Variants in PCDHB15 observed in about 807,000 individuals in gnomAD.
PCDHB15 encodes the protein protocadherin beta 15.
For synonymous variants in PCDHB15, 492 were observed against 447.9 expected (o/e 1.10, Z -1.24); for missense variants, 1,032 against 991.7 (o/e 1.04, Z -0.55).
chr5:141,246,449 C>G lies in PCDHB15; in HGVS notation c.871C>G (p.Pro291Ala), dbSNP rs781827446. ...TTACAGCTCTCAGGAGATAGACAAA[C>G]CTTTTGAGCTAAGCAGCCTTTCAGG... The part of the protein sequence containing the change: ...LYYSSQEIDK[P>A]FELSSLSGEI... The change falls in exon 1 of 1, where the codon CCT (proline) becomes GCT (alanine). Residue 291 changes from proline (P) to alanine (A), a missense_variant. By Grantham distance (27) the Pro-to-Ala change is conservative (BLOSUM62 -1). Coordinates refer to ENST00000231173, the MANE Select transcript of PCDHB15 (RefSeq NM_018935.4). 9 of 1,614,034 alleles carry G rather than the reference C, an allele frequency of 5.6e-6. No individual in the cohort carries two copies. Among genetic ancestry groups the G allele is most frequent in the Non-Finnish European group, 7.6e-6 (9 of 1,180,032 alleles).
chr5:141,245,491 C>T lies in PCDHB15; in HGVS notation c.-88C>T, dbSNP rs1554291726. 2.6e-6 allele frequency: 3 copies of T among 1,139,750 alleles called. No individual in the cohort carries two copies. The highest frequency in any genetic ancestry group is 3.8e-6 in the Non-Finnish European group (3 of 788,310). 70.6% of individuals were successfully genotyped at this position (1,139,750 alleles called of 1,614,324 possible). On this transcript the variant is annotated 5_prime_UTR_variant, in exon 1 of 1. The change creates a new upstream start codon in the 5' untranslated region. Transcript: ENST00000231173. The stretch of plus-strand genomic sequence containing the variant: ...CCTACATTTCCGAACAGGTTATCAA[C>T]GCACAGATCGATCACTGCCTCTGTC...
chr5:141,246,260 A>G lies in PCDHB15; in HGVS notation c.682A>G (p.Ile228Val), dbSNP rs1554291878. The part of the protein sequence containing the change: ...GSPPRSGTVQ[I>V]LILVLDANDN... ...TCCACCCCGATCTGGCACCGTCCAGATCCTCATCTTGGTCTTGGACGCCAA... is the reference window on the plus strand; with the variant it reads ...TCCACCCCGATCTGGCACCGTCCAGGTCCTCATCTTGGTCTTGGACGCCAA... The change falls in exon 1 of 1, where the codon ATC (isoleucine) becomes GTC (valine). Residue 228 changes from isoleucine (I) to valine (V), a missense_variant. Coordinates refer to ENST00000231173, the MANE Select transcript of PCDHB15 (RefSeq NM_018935.4). 6.2e-7 allele frequency: 1 copy of G among 1,614,066 alleles called. No homozygotes were observed. Among genetic ancestry groups the G allele is most frequent in the East Asian group, 2.2e-5 (1 of 44,860 alleles).
In PCDHB15 at chr5:141,247,349, G is replaced by A; in HGVS notation, c.1771G>A (p.Ala591Thr). 1.9e-6 allele frequency: 3 copies of A among 1,606,016 alleles called. No homozygotes were observed. Among genetic ancestry groups the A allele is most frequent in the Non-Finnish European group, 2.5e-6 (3 of 1,178,422 alleles). The change falls in exon 1 of 1, where the codon GCG becomes ACG. Residue 591 changes from alanine (A) to threonine (T), a missense_variant. Physicochemically the swap from Ala to Thr is moderately conservative, Grantham distance 58 (BLOSUM62 0). Coordinates refer to ENST00000231173, the MANE Select transcript of PCDHB15 (RefSeq NM_018935.4). ...EPGYLVTKVVAVDGDSGQNAW... is the reference protein window; with the variant it reads ...EPGYLVTKVVTVDGDSGQNAW... ...GGGCTACCTGGTGACCAAGGTGGTGGCGGTGGACGGCGACTCGGGCCAGAA... is the reference window on the plus strand; with the variant it reads ...GGGCTACCTGGTGACCAAGGTGGTGACGGTGGACGGCGACTCGGGCCAGAA...
At position 141,246,227 on chromosome 5, in the gene PCDHB15, G is replaced by C. The variant is rs782777353; in HGVS notation, c.649G>C (p.Gly217Arg). ...CAGATTAACCTTGACAGCGGTGGACGGTGGCTCTCCACCCCGATCTGGCAC... is the reference window on the plus strand; with the variant it reads ...CAGATTAACCTTGACAGCGGTGGACCGTGGCTCTCCACCCCGATCTGGCAC... ...ELRLTLTAVD[G>R]GSPPRSGTVQ... The change falls in exon 1 of 1, where the codon GGT becomes CGT. Residue 217 changes from glycine (G) to arginine (R), a missense_variant. Transcript: ENST00000231173. 5 of 1,614,054 alleles carry C rather than the reference G, an allele frequency of 3.1e-6. No individual in the cohort carries two copies. In the South Asian group the frequency reaches 5.5e-5, roughly 18 times the overall value.
At position 141,247,674 on chromosome 5, in the gene PCDHB15, C is replaced by G; in HGVS notation, c.2096C>G (p.Ser699Trp). Residue 699 changes from serine to tryptophan, a missense_variant, in exon 1 of 1, where the codon TCG becomes TGG. By Grantham distance (177) the Ser-to-Trp change is radical (BLOSUM62 -3). Transcript: ENST00000231173. ...GTGGTGGCATTGGCCTCGGTGTCTT[C>G]GCTCTTCCTCTTCTCGGTGTTCCTG... is the stretch of plus-strand genomic sequence containing the variant. ...YLVVALASVS[S>W]LFLFSVFLFV... is the part of the protein sequence containing the mutation. 6.2e-7 allele frequency: 1 copy of G among 1,610,470 alleles called. No individual in the cohort carries two copies. The highest frequency in any genetic ancestry group is 8.5e-7 in the Non-Finnish European group (1 of 1,179,884).
chr5:141,247,142 G>T lies in PCDHB15; in HGVS notation c.1564G>T (p.Glu522Ter). 6.2e-7 allele frequency: 1 copy of T among 1,613,870 alleles called. No homozygotes were observed. Residue 522 changes from glutamate to a stop codon, truncating the protein, a stop_gained, in exon 1 of 1, where the codon GAG becomes TAG. Coordinates refer to ENST00000231173, the MANE Select transcript of PCDHB15 (RefSeq NM_018935.4). LOFTEE classifies it low-confidence loss of function (END_TRUNC). Reference sequence around the variant, plus strand: ...GTTCGCTCTCCAGTCGCTGGACTACGAGGCCCTGCAGGCTTTCGAGTTCCG... The same window carrying T: ...GTTCGCTCTCCAGTCGCTGGACTACTAGGCCCTGCAGGCTTTCGAGTTCCG... ...HLFALQSLDY[E>*]ALQAFEFRVG... is the part of the protein sequence containing the mutation.
In PCDHB15 at chr5:141,246,006, C is replaced by A; in HGVS notation, c.428C>A (p.Pro143Gln). 1 of 1,614,132 alleles carries A rather than the reference C, an allele frequency of 6.2e-7. No homozygotes were observed. The highest frequency in any genetic ancestry group is 1.1e-5 in the South Asian group (1 of 91,088). ...FPEREMTLKI[P>Q]ETSSLGTVFP... is the part of the protein sequence containing the mutation. ...GAAAGAGAAATGACCCTGAAAATCC[C>A]AGAAACTAGCTCCCTTGGGACTGTG... The change falls in exon 1 of 1, where the codon CCA (proline) becomes CAA (glutamine). Residue 143 changes from proline to glutamine, a missense_variant. By Grantham distance (76) the Pro-to-Gln change is moderately conservative (BLOSUM62 -1). Coordinates refer to ENST00000231173, the MANE Select transcript of PCDHB15 (RefSeq NM_018935.4).
Position 141,248,795 on chromosome 5 carries a change from T to G in PCDHB15, c.*853T>G, listed in dbSNP as rs1329094773. Reference sequence around the variant, plus strand: ...TCTGATGGTACAGTATGCCAACATCTACTTGTTTTGGATGGCAACATTGTT... The same window carrying G: ...TCTGATGGTACAGTATGCCAACATCGACTTGTTTTGGATGGCAACATTGTT... On this transcript the variant is annotated 3_prime_UTR_variant, in exon 1 of 1. Coordinates refer to ENST00000231173, the MANE Select transcript of PCDHB15 (RefSeq NM_018935.4). 6.6e-6 allele frequency: 1 copy of G among 152,188 alleles called. No homozygotes were observed. The highest frequency in any genetic ancestry group is 1.5e-5 in the Non-Finnish European group (1 of 68,030). 9.4% of individuals were successfully genotyped at this position (152,188 alleles called of 1,614,324 possible).
chr5:141,245,956 A>C lies in PCDHB15; in HGVS notation c.378A>C (p.Ile126=). ...VFRAELLVTD[I]NDHSPEFPER... Reference sequence around the variant, plus strand: ...GAGCTGAACTACTAGTGACAGACATAAACGATCATTCTCCTGAGTTTCCTG... The same window carrying C: ...GAGCTGAACTACTAGTGACAGACATCAACGATCATTCTCCTGAGTTTCCTG... Residue 126 remains isoleucine (I), a synonymous_variant, in exon 1 of 1, where the codon ATA becomes ATC. Transcript: ENST00000231173. The C allele has an allele frequency of 6.2e-7, 1 of 1,614,190 alleles. No homozygotes were observed. The highest frequency in any genetic ancestry group is 1.6e-4 in the Middle Eastern group (1 of 6,062).
At position 141,247,873 on chromosome 5, in the gene PCDHB15, G is replaced by C. The variant is rs367781407; in HGVS notation, c.2295G>C (p.Lys765Asn). Residue 765 changes from lysine (K) to asparagine (N), a missense_variant, in exon 1 of 1, where the codon AAG becomes AAC. Coordinates refer to ENST00000231173, the MANE Select transcript of PCDHB15 (RefSeq NM_018935.4). ...GAGGCTCTGAAAGTAATGATTTCAA[G>C]TTCTTGAAGCCTATATTCCCAAATA... ...LTGGSESNDFKFLKPIFPNIV... is the reference protein window; with the variant it reads ...LTGGSESNDFNFLKPIFPNIV... 17 of 1,614,076 alleles carry C rather than the reference G, an allele frequency of 1.1e-5. No individual in the cohort carries two copies. The highest frequency in any genetic ancestry group is 1.2e-5 in the Non-Finnish European group (14 of 1,180,030).
At position 141,246,989 on chromosome 5, in the gene PCDHB15, G is replaced by A. The variant is rs368646168; in HGVS notation, c.1411G>A (p.Gly471Ser). 6.2e-6 allele frequency: 10 copies of A among 1,613,266 alleles called. No homozygotes were observed. The highest frequency in any genetic ancestry group is 7.6e-6 in the Non-Finnish European group (9 of 1,180,006). ...GAACAACAGCCCCGCCCTGCACATC[G>A]GCAGTGTCAGCGCCACAGACAGAGA... ...RENNSPALHI[G>S]SVSATDRDSG... is the part of the protein sequence containing the mutation. Residue 471 changes from glycine to serine, a missense_variant, in exon 1 of 1, where the codon GGC (glycine) becomes AGC (serine). By Grantham distance (56) the Gly-to-Ser change is moderately conservative. Coordinates refer to ENST00000231173, the MANE Select transcript of PCDHB15 (RefSeq NM_018935.4).
chr5:141,246,524 G>A lies in PCDHB15; in HGVS notation c.946G>A (p.Asp316Asn). The A allele has an allele frequency of 6.2e-7, 1 of 1,614,172 alleles. No homozygotes were observed. The highest frequency in any genetic ancestry group is 8.5e-7 in the Non-Finnish European group (1 of 1,180,014). The change falls in exon 1 of 1, where the codon GAT becomes AAT. Residue 316 changes from aspartate to asparagine, a missense_variant. By Grantham distance (23) the Asp-to-Asn change is conservative (BLOSUM62 1). Coordinates refer to ENST00000231173, the MANE Select transcript of PCDHB15 (RefSeq NM_018935.4). ...AGATTTTGAGACAATGTCTTCGTAT[G>A]ATCTAGATATAGAGGCATCTGATGG... The part of the protein sequence containing the change: ...KLDFETMSSY[D>N]LDIEASDGGG...
rs782303033 is a variant in PCDHB15, at chr5:141,247,010, A to G, written c.1432A>G (p.Arg478Gly). 6 of 1,613,438 alleles carry G rather than the reference A, an allele frequency of 3.7e-6. No homozygotes were observed. ...CATCGGCAGTGTCAGCGCCACAGAC[A>G]GAGACTCGGGCACCAACGCCCAGGT... ...LHIGSVSATD[R>G]DSGTNAQVTY... The change falls in exon 1 of 1, where the codon AGA becomes GGA. Residue 478 changes from arginine to glycine, a missense_variant. By Grantham distance (125) the Arg-to-Gly change is moderately radical. Coordinates refer to ENST00000231173, the MANE Select transcript of PCDHB15 (RefSeq NM_018935.4).
chr5:141,246,420 T>C lies in PCDHB15; in HGVS notation c.842T>C (p.Leu281Pro). Reference protein sequence around the residue: ...TGTNGEISYSLYYSSQEIDKP... With the variant: ...TGTNGEISYSPYYSSQEIDKP... ...ACAAATGGAGAGATATCATACTCCCTTTATTACAGCTCTCAGGAGATAGAC... is the reference window on the plus strand; with the variant it reads ...ACAAATGGAGAGATATCATACTCCCCTTATTACAGCTCTCAGGAGATAGAC... The change falls in exon 1 of 1, where the codon CTT becomes CCT. Residue 281 changes from leucine (L) to proline (P), a missense_variant. Coordinates refer to ENST00000231173, the MANE Select transcript of PCDHB15 (RefSeq NM_018935.4). 1 of 1,614,152 alleles carries C rather than the reference T, an allele frequency of 6.2e-7. No homozygotes were observed. Among genetic ancestry groups the C allele is most frequent in the Non-Finnish European group, 8.5e-7 (1 of 1,180,004 alleles).
chr5:141,247,636 T>G lies in PCDHB15; in HGVS notation c.2058T>G (p.Leu686=), dbSNP rs142621089. ...CGGCCCAAGCCCAGGCCGACTCGCTTACCGTCTACCTGGTGGTGGCATTGG... is the reference window on the plus strand; with the variant it reads ...CGGCCCAAGCCCAGGCCGACTCGCTGACCGTCTACCTGGTGGTGGCATTGG... ...AAPAQAQADS[L]TVYLVVALAS... is the part of the protein sequence containing the mutation. Residue 686 remains leucine (L), a synonymous_variant, in exon 1 of 1, where the codon CTT becomes CTG. Coordinates refer to ENST00000231173, the MANE Select transcript of PCDHB15 (RefSeq NM_018935.4). 2 of 1,610,326 alleles carry G rather than the reference T, an allele frequency of 1.2e-6. No homozygotes were observed. The highest frequency in any genetic ancestry group is 1.7e-6 in the Non-Finnish European group (2 of 1,179,802).
At position 141,245,613 on chromosome 5, in the gene PCDHB15, G is replaced by T; in HGVS notation, c.35G>T (p.Arg12Met). The change falls in exon 1 of 1, where the codon AGG (arginine) becomes ATG (methionine). Residue 12 changes from arginine (R) to methionine (M), a missense_variant. Coordinates refer to ENST00000231173, the MANE Select transcript of PCDHB15 (RefSeq NM_018935.4). ...EPAGERFPEQ[R>M]QVLILLLLLE... ...GCAGGGGAGCGCTTTCCCGAACAAAGGCAAGTCCTGATTCTCCTTCTTTTA... is the reference window on the plus strand; with the variant it reads ...GCAGGGGAGCGCTTTCCCGAACAAATGCAAGTCCTGATTCTCCTTCTTTTA... 2 of 1,614,204 alleles carry T rather than the reference G, an allele frequency of 1.2e-6. No homozygotes were observed. Among genetic ancestry groups the T allele is most frequent in the Non-Finnish European group, 1.7e-6 (2 of 1,180,040 alleles).
Position 141,245,688 on chromosome 5 carries a change from A to T in PCDHB15, c.110A>T (p.Glu37Val), listed in dbSNP as rs1554291764. 1 of 1,614,156 alleles carries T rather than the reference A, an allele frequency of 6.2e-7. No homozygotes were observed. The highest frequency in any genetic ancestry group is 8.5e-7 in the Non-Finnish European group (1 of 1,180,006). The change falls in exon 1 of 1, where the codon GAG (glutamate) becomes GTG (valine). Residue 37 changes from glutamate to valine, a missense_variant. Physicochemically the swap from Glu to Val is moderately radical, Grantham distance 121. Coordinates refer to ENST00000231173, the MANE Select transcript of PCDHB15 (RefSeq NM_018935.4). ...GAACCCCGTCGCTATTCTGTGATGG[A>T]GGAAACAGAGAGAGGTTCTTTTGTA... The part of the protein sequence containing the change: ...GWEPRRYSVM[E>V]ETERGSFVAN...
Position 141,247,366 on chromosome 5 carries a change from G to C in PCDHB15, c.1788G>C (p.Ser596=), listed in dbSNP as rs782705162. 13 of 1,604,920 alleles carry C rather than the reference G, an allele frequency of 8.1e-6. No individual in the cohort carries two copies. The East Asian group carries it at 2.9e-4, about 36-fold the overall frequency. ...AGGTGGTGGCGGTGGACGGCGACTC[G>C]GGCCAGAACGCCTGGCTGTCGTACC... ...VTKVVAVDGD[S]GQNAWLSYQL... The change falls in exon 1 of 1, where the codon TCG becomes TCC. Residue 596 remains serine, a synonymous_variant. Transcript: ENST00000231173.
Position 141,245,773 on chromosome 5 carries a change from G to A in PCDHB15, c.195G>A (p.Arg65=). 6.2e-7 allele frequency: 1 copy of A among 1,614,170 alleles called. No individual in the cohort carries two copies. Among genetic ancestry groups the A allele is most frequent in the South Asian group, 1.1e-5 (1 of 91,080 alleles). ...GVGELAERGA[R]VVSEDNEQGL... ...GGGAGCTAGCCGAGCGGGGAGCCCG[G>A]GTAGTTTCTGAGGATAACGAACAAG... is the stretch of plus-strand genomic sequence containing the variant. The change falls in exon 1 of 1, where the codon CGG becomes CGA. Residue 65 remains arginine, a synonymous_variant. Coordinates refer to ENST00000231173, the MANE Select transcript of PCDHB15 (RefSeq NM_018935.4).
Sources: gnomAD v4.1 joint callset for allele counts on GRCh38, gnomAD v4.1.1 for gene constraint, MANE v1.5 for transcripts, NCBI Gene and HGNC (gene_info 2026-07-23, HGNC 2026-07-21) for gene names.